Variants in UBE2E2 observed in about 807,000 individuals in gnomAD.
The protein encoded by UBE2E2 is ubiquitin conjugating enzyme E2 E2.
UBE2E2 carries 6 observed loss-of-function variants against 24.7 expected under a neutral mutation model. The ratio of observed to expected loss-of-function variants is 0.24; its 90% confidence interval spans 0.13 to 0.48. UBE2E2 has a LOEUF of 0.48. Ranked by LOEUF, UBE2E2 falls within the 20% of genes least tolerant of loss-of-function variation. UBE2E2 has a pLI of 0.99. For synonymous variants in UBE2E2, 104 were observed against 83.6 expected (o/e 1.24, Z -1.33); for missense variants, 169 against 245.0 (o/e 0.69, Z 2.07).
chr3:23,341,524 A>T (rs1018269610), intron 3 of UBE2E2, among the ~76,000 whole-genome samples: 1 of 152,158 alleles, frequency 6.6e-6, no homozygotes, highest in Non-Finnish European at 1.5e-5. Context: ...CACAAGCTAA[A>T]GGTTTGAGTG....
intron 3 of UBE2E2, among the ~76,000 whole-genome samples, chr3:23,336,162 A>C (rs190434316): frequency 6.6e-6 from 1 of 152,344 alleles, no homozygotes; most frequent in East Asian, 1.9e-4. Context: ...GATTTGAAAT[A>C]ATCAGTTTCC....
At chr3:23,575,107 C>T (rs1696319406) in intron 5 of UBE2E2, among the ~76,000 whole-genome samples, 1 of 152,194 alleles carries the variant, frequency 6.6e-6, no homozygotes. Context: ...GGCTGCTCTT[C>T]TCTCTCATTT....
intron 3 of UBE2E2, among the ~76,000 whole-genome samples, chr3:23,269,795 T>G (rs2125361595): frequency 6.6e-6 from 1 of 152,176 alleles, no homozygotes; most frequent in East Asian, 1.9e-4. Context: ...GTAATAGAAA[T>G]CATACAGGGA....
At chr3:23,526,839 A>G (rs1007346715) in intron 4 of UBE2E2, among the ~76,000 whole-genome samples, 1 of 152,216 alleles carries the variant, frequency 6.6e-6, no homozygotes, top group Admixed American at 6.5e-5. Context: ...TCCTTTTGTT[A>G]TCATTATAAA....
At chr3:23,267,539 A>G (rs1321787663) in intron 3 of UBE2E2, among the ~76,000 whole-genome samples, 8 of 151,542 alleles carry the variant, frequency 5.3e-5, no homozygotes, top group East Asian at 1.9e-4. Context: ...CCAATAACAG[A>G]CTCTGAAATT....
chr3:23,292,414 A>AT (rs1191022470), intron 3 of UBE2E2, among the ~76,000 whole-genome samples: 15 of 150,908 alleles, frequency 9.9e-5, no homozygotes, highest in South Asian at 8.4e-4. Flanking sequence ...TCCTGACCTT[A>AT]TTTTTTTTTC....
intron 3 of UBE2E2, among the ~76,000 whole-genome samples, chr3:23,367,209 T>C (rs1696281862): frequency 1.3e-5 from 2 of 152,242 alleles, no homozygotes; most frequent in Admixed American, 1.3e-4. Context: ...GACAAACCAA[T>C]CTTTATGATA....
chr3:23,408,885 G>T (rs1482767974), intron 3 of UBE2E2, among the ~76,000 whole-genome samples: 1 of 152,060 alleles, frequency 6.6e-6, no homozygotes, highest in Non-Finnish European at 1.5e-5. Flanking sequence ...AAATGCACAG[G>T]GTTGTATTAG....
At chr3:23,217,722 CAG>C (rs1696516234) in intron 3 of UBE2E2, among the ~76,000 whole-genome samples, 3 of 152,008 alleles carry the variant, frequency 2.0e-5, no homozygotes, top group East Asian at 3.9e-4. Flanking sequence ...ACACATTAAA[CAG>C]TGTTTCTTCA....
intron 4 of UBE2E2, among the ~76,000 whole-genome samples, chr3:23,516,749 T>G (rs1364559641): frequency 1.3e-5 from 2 of 152,172 alleles, no homozygotes; most frequent in Non-Finnish European, 2.9e-5. Context: ...TATTTTACTA[T>G]GTGACTGTAT....
At chr3:23,588,909 A>G (rs1236922464) in intron 5 of UBE2E2, among the ~76,000 whole-genome samples, 1 of 152,108 alleles carries the variant, frequency 6.6e-6, no homozygotes, top group Non-Finnish European at 1.5e-5. Flanking sequence ...GATGTTACCA[A>G]ATTTTGAGGA....
At chr3:23,448,956 T>G (rs1698493124) in intron 3 of UBE2E2, among the ~76,000 whole-genome samples, 1 of 152,182 alleles carries the variant, frequency 6.6e-6, no homozygotes, top group Admixed American at 6.5e-5. Flanking sequence ...CACCACAAAC[T>G]TATATTTTCT....
chr3:23,477,255 A>G (rs752248025), intron 3 of UBE2E2, among the ~76,000 whole-genome samples: 4 of 152,248 alleles, frequency 2.6e-5, no homozygotes, highest in Non-Finnish European at 4.4e-5. Flanking sequence ...GTGTGAATAC[A>G]TTTTTAGGAG....
At chr3:23,367,666 C>T (rs893548022) in intron 3 of UBE2E2, among the ~76,000 whole-genome samples, 12 of 152,068 alleles carry the variant, frequency 7.9e-5, no homozygotes, top group East Asian at 3.9e-4. Flanking sequence ...TGATTTCGTT[C>T]GGGCAGATTA....
At chr3:23,459,233 G>C (rs777043265) in intron 3 of UBE2E2, among the ~76,000 whole-genome samples, 2 of 152,208 alleles carry the variant, frequency 1.3e-5, no homozygotes, top group African/African-American at 2.4e-5. Flanking sequence ...GCTCCTAAGA[G>C]ATAGTTTTTG....
In UBE2E2 at chr3:23,474,042, C is replaced by T. The variant is rs1197535565; in HGVS notation, c.228-25566C>T. 1.3e-5 allele frequency among the ~76,000 whole-genome samples: 2 copies of T among 152,060 alleles called. No homozygotes were observed. The highest frequency in any genetic ancestry group is 2.9e-5 in the Non-Finnish European group (2 of 68,030). The stretch of plus-strand genomic sequence containing the variant: ...CAGCAGTGTAGAAGTATTCCCTTTT[C>T]ACCGCATCTATGCCAACATATATAT... On this transcript the variant is annotated intron_variant, in intron 3 of 5. Coordinates refer to ENST00000396703, the MANE Select transcript of UBE2E2 (RefSeq NM_152653.4). The surrounding 1 kb of genome is among the most constrained non-coding windows in gnomAD (Gnocchi z 4.0).
At position 23,407,630 on chromosome 3, in the gene UBE2E2, T is replaced by G. The variant is rs555763996; in HGVS notation, c.228-91978T>G. Among the ~76,000 whole-genome samples the G allele has an allele frequency of 7.3e-6, 1 of 136,712 alleles. No individual in the cohort carries two copies. Among genetic ancestry groups the G allele is most frequent in the East Asian group, 2.0e-4 (1 of 4,964 alleles). 89.7% of individuals were successfully genotyped at this position (136,712 alleles called of 152,430 possible). A position where few individuals can be genotyped will look rare whatever the true frequency, so the allele number is the denominator to read the frequency against. On this transcript the variant is annotated intron_variant, in intron 3 of 5. Coordinates refer to ENST00000396703, the MANE Select transcript of UBE2E2 (RefSeq NM_152653.4). This position sits in a 1 kb window ranked among gnomAD's most constrained non-coding sequence, Gnocchi z 4.0. ...TGGGAGGAGTGCATGTGTGTGTGTT[T>G]GTGTGTGCATGCGTGCATGTGTGTG...
At chr3:23,388,586 A>C (rs1057096835) in intron 3 of UBE2E2, among the ~76,000 whole-genome samples, 3 of 152,212 alleles carry the variant, frequency 2.0e-5, no homozygotes, top group Non-Finnish European at 4.4e-5. Flanking sequence ...ACATGTTAAT[A>C]CTCTAATGCT....
At chr3:23,424,281 C>T (rs540043286) in intron 3 of UBE2E2, among the ~76,000 whole-genome samples, 4 of 152,204 alleles carry the variant, frequency 2.6e-5, no homozygotes, top group Admixed American at 2.0e-4. Context: ...ACAGCAGAGA[C>T]TTGCAGTTAC....
Sources: allele counts gnomAD v4.1 joint callset (sites outside exome capture counted in the v4.1 genomes callset), GRCh38; gene constraint gnomAD v4.1.1; non-coding constraint Gnocchi (gnomAD v3.1); transcripts MANE v1.5; gene names NCBI Gene and HGNC (gene_info 2026-07-23, HGNC 2026-07-21).